The following USP9X variants were observed in gnomAD, a reference collection of about 807,000 sequenced individuals.
The protein encoded by USP9X is ubiquitin specific peptidase 9 X-linked, also known as ubiquitin carboxyl-terminal hydrolase 9X.
In USP9X, 7 loss-of-function variants were observed where a neutral mutation model predicts 190.3. The observed-to-expected ratio is 0.04, with a 90% CI of 0.02 to 0.07. USP9X has a LOEUF of 0.07. Ranked by LOEUF, USP9X falls within the 10% of genes least tolerant of loss-of-function variation. The pLI is 1.00. For synonymous variants in USP9X, 645 were observed against 659.5 expected, an observed-to-expected ratio of 0.98 and a Z score of 0.34; for missense variants, 1,010 against 1,916.9, an observed-to-expected ratio of 0.53 and a Z score of 8.83.
At chrX:41,174,969 G>A (rs1008484715) in intron 21 of USP9X, among the ~76,000 whole-genome samples, 4 of 111,068 alleles carry the variant, frequency 3.6e-5, no homozygotes, top group Non-Finnish European at 7.6e-5. Flanking sequence ...GGGCGACAGC[G>A]AGATTCTGTC....
intron 24 of USP9X, 130 bp from the exon 25 acceptor site, chrX:41,187,862 C>A: frequency 2.3e-4 from 94 of 415,456 alleles, no homozygotes; most frequent in Middle Eastern, 9.6e-4. Flanking sequence ...ACAAAGGCAA[C>A]TTGGGAATTT....
chrX:41,188,911 C>G (rs767327496), intron 25 of USP9X, among the ~76,000 whole-genome samples: 1 of 112,077 alleles, frequency 8.9e-6, no homozygotes, highest in African/African-American at 3.2e-5. Flanking sequence ...GAATAGTTGT[C>G]AGACAATTGA....
rs2063396136 is a variant in USP9X, at chrX:41,235,930, G to T, written c.*3406G>T. On this transcript the variant is annotated 3_prime_UTR_variant, in exon 45 of 45. Transcript: ENST00000378308. ...CTGTGAATATTCAGATGACTACTTC[G>T]AAGTAATTCAGTTTTTTTATTAGTA... is the stretch of plus-strand genomic sequence containing the variant. 1 of 111,788 alleles carries T rather than the reference G, an allele frequency of 8.9e-6. No individual in the cohort carries two copies. Among genetic ancestry groups the T allele is most frequent in the South Asian group, 3.7e-4 (1 of 2,725 alleles). The allele number at this position is 111,788 out of a possible 1,213,427, so 9.2% of individuals were successfully genotyped here.
At position 41,232,546 on chromosome X, in the gene USP9X, C is replaced by T. The variant is rs779732431; in HGVS notation, c.*22C>T. The T allele has an allele frequency of 5.8e-6, 7 of 1,198,934 alleles. No individual in the cohort carries two copies. The African/African-American group carries it at 1.2e-4, about 21-fold the overall frequency. Reference sequence around the variant, plus strand: ...ATGAAATGCACATAATTAACTGGTTCCATCAAGACTGTGCACCCAGGCCTT... The same window carrying T: ...ATGAAATGCACATAATTAACTGGTTTCATCAAGACTGTGCACCCAGGCCTT... On this transcript the variant is annotated 3_prime_UTR_variant, in exon 45 of 45. Transcript: ENST00000378308.
chrX:41,092,368 T>G (rs752851877), intron 1 of USP9X, among the ~76,000 whole-genome samples: 2 of 111,654 alleles, frequency 1.8e-5, no homozygotes, highest in South Asian at 7.6e-4. Context: ...TTAGAACTCC[T>G]AAGTAAGGCC....
chrX:41,230,058 G>A lies in USP9X; in HGVS notation c.7431+279G>A, dbSNP rs1043100301. Among the ~76,000 whole-genome samples, 3 of 111,102 alleles carry A rather than the reference G, an allele frequency of 2.7e-5. No individual in the cohort carries two copies. In the East Asian group the frequency reaches 8.5e-4, roughly 31 times the overall value. On this transcript the variant is annotated intron_variant, in intron 43 of 44. Coordinates refer to ENST00000378308, the MANE Select transcript of USP9X (RefSeq NM_001039591.3). ...TCCACTAAAAATAGAAAAATTAGTC[G>A]GGCGTGGTGGCAGGCGCCTGTAATC...
chrX:41,176,189 T>A (rs942408623), intron 21 of USP9X, among the ~76,000 whole-genome samples: 2 of 111,906 alleles, frequency 1.8e-5, no homozygotes, highest in African/African-American at 6.5e-5. Context: ...ATGTTGGGTC[T>A]CTACCCCAGG....
intron 2 of USP9X, among the ~76,000 whole-genome samples, chrX:41,127,025 A>C (rs961052952): frequency 3.6e-5 from 4 of 111,175 alleles, no homozygotes; most frequent in African/African-American, 1.3e-4. Flanking sequence ...GGTTGCTGGG[A>C]GGGTGCAAAT....
chrX:41,205,651 A>G (rs1423753465), intron 32 of USP9X, among the ~76,000 whole-genome samples, 158 bp downstream of exon 32: 1 of 77,985 alleles, frequency 1.3e-5, no homozygotes, highest in African/African-American at 4.8e-5. Context: ...TTTTTTTTTT[A>G]GGTCCCCTTA....
intron 28 of USP9X, 33 bp from the exon 29 acceptor site, chrX:41,197,331 T>TGGGGGGGGGGGG: frequency 1.0e-5 from 5 of 486,737 alleles, no homozygotes; most frequent in Non-Finnish European, 1.2e-5. Flanking sequence ...TTTGATTTCT[T>TGGGGGGGGGGGG]CCCCCCCCCA....
Position 41,201,166 on chromosome X carries a change from T to C in USP9X, c.4710T>C (p.Ser1570=), listed in dbSNP as rs2063038113. 1 of 1,211,852 alleles carries C rather than the reference T, an allele frequency of 8.3e-7. No homozygotes were observed. The highest frequency in any genetic ancestry group is 1.1e-6 in the Non-Finnish European group (1 of 895,510). The part of the protein sequence containing the change: ...KNAGATCYMN[S]VIQQLYMIPS... ...CCGGTGCTACTTGTTACATGAATTC[T>C]GTGATTCAGCAACTCTACATGATTC... The change falls in exon 31 of 45, where the codon TCT becomes TCC. Residue 1570 remains serine (S), a synonymous_variant. Transcript: ENST00000378308.
chrX:41,205,957 C>A (rs1251728518), intron 32 of USP9X, among the ~76,000 whole-genome samples: 2 of 96,086 alleles, frequency 2.1e-5, no homozygotes, highest in Non-Finnish European at 4.0e-5. Context: ...GTGGTGTGAT[C>A]TTGGCTCACT....
chrX:41,138,263 A>G (rs1285686687), intron 6 of USP9X, among the ~76,000 whole-genome samples: 6 of 111,469 alleles, frequency 5.4e-5, no homozygotes, highest in South Asian at 3.7e-4. Flanking sequence ...AGCATCTTCA[A>G]CCATGTCCTA....
intron 32 of USP9X, among the ~76,000 whole-genome samples, chrX:41,205,925 T>C (rs1351831606): frequency 3.8e-5 from 4 of 103,978 alleles, no homozygotes; most frequent in Admixed American, 2.1e-4. Flanking sequence ...AGTTTTGCTC[T>C]TGTTGCCCAG....
chrX:41,108,834 G>T (rs1405724461), intron 1 of USP9X, among the ~76,000 whole-genome samples: 2 of 111,143 alleles, frequency 1.8e-5, no homozygotes, highest in Admixed American at 9.6e-5. Context: ...GGGCCATTAG[G>T]ACCACGCTTT....
chrX:41,147,918 G>A (rs2062484953), intron 11 of USP9X, among the ~76,000 whole-genome samples: 1 of 111,535 alleles, frequency 9.0e-6, no homozygotes, highest in Non-Finnish European at 1.9e-5. Context: ...TGGAGGTTGG[G>A]AAGTACAAGA....
chrX:41,150,745 A>G (rs1211157876), intron 12 of USP9X, among the ~76,000 whole-genome samples, 176 bp from the exon 13 acceptor site: 1 of 112,289 alleles, frequency 8.9e-6, no homozygotes, highest in Non-Finnish European at 1.9e-5. Flanking sequence ...AGTGTGAAAT[A>G]AAAACAAACT....
At chrX:41,129,655 A>G (rs999257937) in intron 3 of USP9X, among the ~76,000 whole-genome samples, 2 of 111,964 alleles carry the variant, frequency 1.8e-5, no homozygotes, top group African/African-American at 6.5e-5. Flanking sequence ...GAAACCTCCA[A>G]GAGAGTGAAG....
chrX:41,092,997 C>T (rs774871679), intron 1 of USP9X, among the ~76,000 whole-genome samples: 2 of 110,819 alleles, frequency 1.8e-5, no homozygotes, highest in East Asian at 2.8e-4. Flanking sequence ...CTCAGCCTGC[C>T]GAGTAAGTAG....
Sources: allele counts gnomAD v4.1 joint callset (sites outside exome capture counted in the v4.1 genomes callset), GRCh38; gene constraint gnomAD v4.1.1; transcripts MANE v1.5; gene names NCBI Gene and HGNC (gene_info 2026-07-23, HGNC 2026-07-21).